ASPRV1: variants seen among roughly 807,000 people sequenced by gnomAD.
The protein encoded by ASPRV1 is retroviral-like aspartic protease 1.
ASPRV1 carries 7 observed loss-of-function variants against 11.0 expected under a neutral mutation model. The observed-to-expected ratio is 0.64, with a 90% CI of 0.36 to 1.20. The LOEUF (loss-of-function observed/expected upper bound fraction) is 1.20, where lower values mean the gene tolerates loss of function less well. Among genes scored for constraint, ASPRV1 ranks in the 50% most tolerant of loss-of-function variants. The pLI is 0.02. For missense variants in ASPRV1, 299 were observed against 320.0 expected, an observed-to-expected ratio of 0.93 and a Z score of 0.50; for synonymous variants, 136 against 138.4, an observed-to-expected ratio of 0.98 and a Z score of 0.12.
the ASPRV1 span, chr2:70,077,392 G>C: frequency 6.6e-6 from 1 of 151,758 alleles, no homozygotes; most frequent in East Asian, 1.9e-4. Context: ...CTTGGGTGGA[G>C]AAAAAGGGAA....
rs1178030167 is a variant in ASPRV1, at chr2:69,960,762, C to A, written c.675G>T (p.Lys225Asn). Reference sequence around the variant, plus strand: ...ACCCTCCCACAGGCAGAAGGCGAAACTTCTTCCCTTTCAGGGTGCATGTGC... The same window carrying A: ...ACCCTCCCACAGGCAGAAGGCGAAAATTCTTCCCTTTCAGGGTGCATGTGC... ...EHRTCTLKGK[K>N]FRLLPVGGSL... is the part of the protein sequence containing the mutation. Residue 225 changes from lysine to asparagine, a missense_variant, in exon 1 of 1, where the codon AAG (lysine) becomes AAT (asparagine). Transcript: ENST00000320256. The A allele has an allele frequency of 6.2e-7, 1 of 1,614,182 alleles. No individual in the cohort carries two copies. The highest frequency in any genetic ancestry group is 1.6e-4 in the Middle Eastern group (1 of 6,062).
the ASPRV1 span, among the ~76,000 whole-genome samples, chr2:69,944,873 ACTCT>A: frequency 5.4e-5 from 8 of 149,120 alleles, no homozygotes; most frequent in East Asian, 1.2e-3. Flanking sequence ...AAAGGAAGAC[ACTCT>A]CTCTATCCCA....
chr2:70,024,181 A>C, the ASPRV1 span, among the ~76,000 whole-genome samples: 2 of 152,176 alleles, frequency 1.3e-5, no homozygotes, highest in Non-Finnish European at 2.9e-5. Flanking sequence ...ACTATGAAAA[A>C]TTTATTCCAA....
chr2:70,029,062 T>G, the ASPRV1 span, among the ~76,000 whole-genome samples: 2 of 152,060 alleles, frequency 1.3e-5, no homozygotes, highest in African/African-American at 4.8e-5. Flanking sequence ...CAAATATCCC[T>G]CAACTCAGAG....
the ASPRV1 span, among the ~76,000 whole-genome samples, chr2:70,024,805 T>C: frequency 1.3e-5 from 2 of 151,928 alleles, no homozygotes. Flanking sequence ...TTGCAGCAAA[T>C]AGGTGGAGTT....
chr2:69,984,124 C>T, the ASPRV1 span, among the ~76,000 whole-genome samples: 2 of 152,004 alleles, frequency 1.3e-5, no homozygotes, highest in Non-Finnish European at 2.9e-5. Flanking sequence ...CTGAAACTTC[C>T]ACCTCCCAGG....
At chr2:70,082,159 A>G in the ASPRV1 span, among the ~76,000 whole-genome samples, 1 of 150,252 alleles carries the variant, frequency 6.7e-6, no homozygotes, top group African/African-American at 2.5e-5. Context: ...GTGTGTGTGT[A>G]TTTTTAGTAG....
chr2:70,023,346 A>G, the ASPRV1 span, among the ~76,000 whole-genome samples: 4 of 152,196 alleles, frequency 2.6e-5, no homozygotes, highest in Non-Finnish European at 2.9e-5. Context: ...GGGAGGGAAG[A>G]GAGGTCTATG....
chr2:69,963,892 T>C (rs542704762), upstream of ASPRV1, among the ~76,000 whole-genome samples: 140 of 152,216 alleles, frequency 9.2e-4, no homozygotes, highest in South Asian at 1.7e-3. Context: ...GAGAGAGGTA[T>C]AGCATAGGCG....
At chr2:70,072,059 C>A in the ASPRV1 span, among the ~76,000 whole-genome samples, 8 of 151,940 alleles carry the variant, frequency 5.3e-5, no homozygotes, top group Non-Finnish European at 4.4e-5. Flanking sequence ...TCAAGCAATT[C>A]TCATGCCTCA....
chr2:69,996,578 A>T, the ASPRV1 span: 2 of 392,602 alleles, frequency 5.1e-6, no homozygotes, highest in South Asian at 3.8e-5. Flanking sequence ...AAAATGAATA[A>T]TTTATTCATT....
chr2:70,068,213 T>C, the ASPRV1 span, among the ~76,000 whole-genome samples: 3 of 152,254 alleles, frequency 2.0e-5, no homozygotes, highest in African/African-American at 7.2e-5. Context: ...CAAGTGGCCT[T>C]GCTGGCCTCC....
At chr2:70,009,090 T>A in the ASPRV1 span, among the ~76,000 whole-genome samples, 1 of 151,968 alleles carries the variant, frequency 6.6e-6, no homozygotes, top group Non-Finnish European at 1.5e-5. Context: ...GAGAAAAAAA[T>A]TAATTTCTCA....
At chr2:70,063,198 C>G in the ASPRV1 span, among the ~76,000 whole-genome samples, 1 of 152,218 alleles carries the variant, frequency 6.6e-6, no homozygotes, top group East Asian at 1.9e-4. Flanking sequence ...GGGCCAGGGA[C>G]TAGCGCTACC....
the ASPRV1 span, among the ~76,000 whole-genome samples, chr2:70,072,047 G>A: frequency 1.3e-5 from 2 of 151,918 alleles, no homozygotes; most frequent in African/African-American, 2.4e-5. Flanking sequence ...TGCCTCCTGG[G>A]TTCAAGCAAT....
the ASPRV1 span, among the ~76,000 whole-genome samples, chr2:70,024,614 CCTCCTCTCCTCACTT>C: frequency 6.6e-6 from 1 of 152,138 alleles, no homozygotes; most frequent in Non-Finnish European, 1.5e-5. Flanking sequence ...TTCCTCCTTC[CCTCCTCTCCTCACTT>C]CTTCTCCCTC....
At chr2:70,077,375 A>G in the ASPRV1 span, 2 of 152,150 alleles carry the variant, frequency 1.3e-5, no homozygotes, top group Admixed American at 6.6e-5. Context: ...GTAATACAGG[A>G]TAAGTACTTG....
the ASPRV1 span, among the ~76,000 whole-genome samples, chr2:69,936,806 C>T: frequency 6.6e-6 from 1 of 152,168 alleles, no homozygotes; most frequent in Non-Finnish European, 1.5e-5. Context: ...GTAATTGGGA[C>T]ATGTACTTGA....
the ASPRV1 span, among the ~76,000 whole-genome samples, chr2:70,009,502 G>T: frequency 6.6e-6 from 1 of 151,968 alleles, no homozygotes; most frequent in Admixed American, 6.6e-5. Flanking sequence ...GCTAATTTTT[G>T]TATTTTTTAG....
Sources: gnomAD v4.1 joint callset for allele counts (sites outside exome capture counted in the v4.1 genomes callset) on GRCh38, gnomAD v4.1.1 for gene constraint, MANE v1.5 for transcripts, NCBI Gene and HGNC (gene_info 2026-07-23, HGNC 2026-07-21) for gene names.